RESF1: variants seen among roughly 807,000 people sequenced by gnomAD.
The protein encoded by RESF1 is gonad expressed transcript.
A neutral mutation model predicts 134.7 loss-of-function variants in RESF1; 65 were observed. That is an observed-to-expected ratio of 0.48 (90% CI 0.40 to 0.59). The LOEUF is 0.59. RESF1 is among the 20% of genes least tolerant of loss of function. The pLI, the probability that RESF1 is intolerant of heterozygous loss-of-function variation, is 0.00. For synonymous variants in RESF1, 762 were observed against 702.2 expected, an observed-to-expected ratio of 1.09 and a Z score of -1.35; for missense variants, 2,274 against 2,002.7, an observed-to-expected ratio of 1.14 and a Z score of -2.59.
chr12:31,981,744 T>G lies in RESF1; in HGVS notation c.789T>G (p.Ala263=). ...CTTTACCATCAAGGCAGACCTCAGC[T>G]GTACCATCACAGCAGTATGCCACGC... ...VLTLPSRQTS[A]VPSQQYATQT... The change falls in exon 4 of 6, where the codon GCT becomes GCG. Residue 263 remains alanine (A), a synonymous_variant. Transcript: ENST00000312561. The G allele has an allele frequency of 6.2e-7, 1 of 1,613,862 alleles. No homozygotes were observed. The highest frequency in any genetic ancestry group is 8.5e-7 in the Non-Finnish European group (1 of 1,180,028).
At position 31,981,701 on chromosome 12, in the gene RESF1, T is replaced by C. The variant is rs1939796494; in HGVS notation, c.746T>C (p.Leu249Pro). Residue 249 changes from leucine to proline, a missense_variant, in exon 4 of 6, where the codon CTT (leucine) becomes CCT (proline). By Grantham distance (98) the Leu-to-Pro change is moderately conservative (BLOSUM62 -3). Coordinates refer to ENST00000312561, the MANE Select transcript of RESF1 (RefSeq NM_018169.4). ...HTSLQVKNSQ[L>P]LNSVLTLPSR... Reference sequence around the variant, plus strand: ...TCATTGCAAGTTAAAAATAGTCAGCTTCTAAATTCTGTATTAACTTTACCA... The same window carrying C: ...TCATTGCAAGTTAAAAATAGTCAGCCTCTAAATTCTGTATTAACTTTACCA... The C allele has an allele frequency of 6.2e-7, 1 of 1,613,780 alleles. No homozygotes were observed.
At position 31,992,618 on chromosome 12, in the gene RESF1, T is replaced by A; in HGVS notation, c.*83T>A. 1 of 1,310,716 alleles carries A rather than the reference T, an allele frequency of 7.6e-7. No homozygotes were observed. The highest frequency in any genetic ancestry group is 1.1e-6 in the Non-Finnish European group (1 of 922,996). 81.2% of individuals were successfully genotyped at this position (1,310,716 alleles called of 1,614,324 possible). A position where few individuals can be genotyped will look rare whatever the true frequency, so the allele number is the denominator to read the frequency against. On this transcript the variant is annotated 3_prime_UTR_variant, in exon 6 of 6. Transcript: ENST00000312561. Reference sequence around the variant, plus strand: ...ATATTTCGCTGAAACTAATGAGAAATGCCATGATAAAGATTTCTCAGAGTT... The same window carrying A: ...ATATTTCGCTGAAACTAATGAGAAAAGCCATGATAAAGATTTCTCAGAGTT...
chr12:31,959,597 C>A (rs1374177991), intron 1 of RESF1, 106 bp downstream of exon 1: 1 of 152,060 alleles, frequency 6.6e-6, no homozygotes, highest in Non-Finnish European at 1.5e-5. Context: ...GGCCTGCGCG[C>A]GGCGCAGAGC....
At chr12:31,959,872 C>G (rs1412910573) in intron 1 of RESF1, 3 of 152,248 alleles carry the variant, frequency 2.0e-5, no homozygotes, top group Non-Finnish European at 2.9e-5. Flanking sequence ...CGCATTTTGT[C>G]GAACTGCGAG....
chr12:31,980,306 T>G (rs188773553), intron 3 of RESF1, among the ~76,000 whole-genome samples: 2 of 152,152 alleles, frequency 1.3e-5, no homozygotes, highest in East Asian at 3.9e-4. Flanking sequence ...AAGATGGGGT[T>G]TGGCATGTTA....
At chr12:31,966,985 C>G (rs960164260) in intron 2 of RESF1, among the ~76,000 whole-genome samples, 5 of 152,218 alleles carry the variant, frequency 3.3e-5, no homozygotes, top group African/African-American at 1.2e-4. Flanking sequence ...TCTGGCAGGA[C>G]AACCCTGCAG....
At chr12:31,972,762 G>A (rs1939541346) in intron 3 of RESF1, among the ~76,000 whole-genome samples, 1 of 152,142 alleles carries the variant, frequency 6.6e-6, no homozygotes, top group South Asian at 2.1e-4. Flanking sequence ...CTTGTTATGT[G>A]GGGTGAGACA....
At chr12:31,969,662 G>A (rs943850449) in intron 2 of RESF1, among the ~76,000 whole-genome samples, 1 of 152,102 alleles carries the variant, frequency 6.6e-6, no homozygotes, top group African/African-American at 2.4e-5. Context: ...TTTTTGAGAC[G>A]GAGTCTTGCT....
In RESF1 at chr12:31,981,839, A is replaced by G; in HGVS notation, c.884A>G (p.Gln295Arg). 1 of 1,614,120 alleles carries G rather than the reference A, an allele frequency of 6.2e-7. No homozygotes were observed. The highest frequency in any genetic ancestry group is 8.5e-7 in the Non-Finnish European group (1 of 1,180,038). The part of the protein sequence containing the change: ...RYGSQPLQST[Q>R]HITKHLSMEV... ...GGAAGCCAGCCTTTGCAAAGTACTC[A>G]GCATATTACTAAACACTTGTCTATG... The change falls in exon 4 of 6, where the codon CAG becomes CGG. Residue 295 changes from glutamine to arginine, a missense_variant. Coordinates refer to ENST00000312561, the MANE Select transcript of RESF1 (RefSeq NM_018169.4).
chr12:31,983,150 C>A lies in RESF1; in HGVS notation c.2195C>A (p.Pro732His), dbSNP rs745473137. 6.2e-7 allele frequency: 1 copy of A among 1,611,484 alleles called. No homozygotes were observed. The highest frequency in any genetic ancestry group is 1.1e-5 in the South Asian group (1 of 90,722). ...NSNSQNKISN[P>H]SQQTALSMVM... ...AATTCTCAGAATAAAATAAGTAATC[C>A]CTCACAGCAGACAGCTTTGTCGATG... The change falls in exon 4 of 6, where the codon CCC becomes CAC. Residue 732 changes from proline to histidine, a missense_variant. Coordinates refer to ENST00000312561, the MANE Select transcript of RESF1 (RefSeq NM_018169.4).
chr12:31,978,539 T>TG (rs963547698), intron 3 of RESF1, among the ~76,000 whole-genome samples: 6 of 151,732 alleles, frequency 4.0e-5, no homozygotes, highest in Admixed American at 2.0e-4. Context: ...ATTTGGGGTT[T>TG]TTTTTTGTTT....
chr12:31,977,918 A>G (rs1273770238), intron 3 of RESF1, among the ~76,000 whole-genome samples: 2 of 144,310 alleles, frequency 1.4e-5, no homozygotes, highest in Non-Finnish European at 3.0e-5. Flanking sequence ...TAATCCTCCC[A>G]CCTCAGCCTT....
Position 31,990,909 on chromosome 12 carries a change from A to C in RESF1, c.5087-1469A>C, listed in dbSNP as rs541594577. Among the ~76,000 whole-genome samples, 14 of 152,296 alleles carry C rather than the reference A, an allele frequency of 9.2e-5. 3 individuals are homozygous for C. Among genetic ancestry groups the C allele is most frequent in the African/African-American group, 3.1e-4 (13 of 41,570 alleles). ...CTCCCAATCTGCTATAAAGAAACAT[A>C]CATCTGGCCTGGTGTGGGGCCCATG... On this transcript the variant is annotated intron_variant, in intron 5 of 5. Transcript: ENST00000312561.
chr12:31,974,859 A>C (rs1454638709), intron 3 of RESF1, among the ~76,000 whole-genome samples: 3 of 151,766 alleles, frequency 2.0e-5, no homozygotes, highest in Non-Finnish European at 2.9e-5. Context: ...GACTAGTCAA[A>C]GTAGTGAGAG....
Position 31,981,109 on chromosome 12 carries a change from T to C in RESF1, c.154T>C (p.Tyr52His). ...YPGSNQEACMYPGNSNPISQP... is the reference protein window; with the variant it reads ...YPGSNQEACMHPGNSNPISQP... ...TGGAAGTAACCAAGAAGCATGCATG[T>C]ATCCCGGTAATTCAAATCCAATTTC... is the stretch of plus-strand genomic sequence containing the variant. Residue 52 changes from tyrosine (Y) to histidine (H), a missense_variant, in exon 4 of 6, where the codon TAT (tyrosine) becomes CAT (histidine). Physicochemically the swap from Tyr to His is moderately conservative, Grantham distance 83. Transcript: ENST00000312561. The C allele has an allele frequency of 2.5e-6, 4 of 1,614,182 alleles. No homozygotes were observed. The highest frequency in any genetic ancestry group is 3.4e-6 in the Non-Finnish European group (4 of 1,180,008).
intron 3 of RESF1, among the ~76,000 whole-genome samples, chr12:31,976,520 C>T (rs1270532075): frequency 6.6e-6 from 1 of 152,006 alleles, no homozygotes; most frequent in Non-Finnish European, 1.5e-5. Flanking sequence ...CCTGTCTCTA[C>T]TAAAAATACA....
At position 31,968,262 on chromosome 12, in the gene RESF1, C is replaced by T. The variant is rs944694261; in HGVS notation, c.-246-1927C>T. ...AAGTTTTCAATTTAAAATACCAGAGCGAATTTATATATTTTAGGTATAAGA... is the reference window on the plus strand; with the variant it reads ...AAGTTTTCAATTTAAAATACCAGAGTGAATTTATATATTTTAGGTATAAGA... On this transcript the variant is annotated intron_variant, in intron 2 of 5. Coordinates refer to ENST00000312561, the MANE Select transcript of RESF1 (RefSeq NM_018169.4). Among the ~76,000 whole-genome samples the T allele has an allele frequency of 4.6e-5, 7 of 151,966 alleles. No homozygotes were observed. In the East Asian group the frequency reaches 1.2e-3, roughly 25 times the overall value.
Position 31,982,082 on chromosome 12 carries a change from GC to G in RESF1, c.1128del (p.Cys376Ter). On this transcript the variant is annotated frameshift_variant, in exon 4 of 6. Coordinates refer to ENST00000312561, the MANE Select transcript of RESF1 (RefSeq NM_018169.4). LOFTEE classifies it high-confidence loss of function. ...QTNEEKIMDSCNPTSNQVLDT... is the reference protein window; with the variant it reads ...QTNEEKIMDSXNPTSNQVLDT... Reference sequence around the variant, plus strand: ...AATGAAGAGAAAATAATGGATTCTTGCAATCCAACTTCAAATCAAGTACTGG... The same window carrying G: ...AATGAAGAGAAAATAATGGATTCTTGAATCCAACTTCAAATCAAGTACTGG... 1 of 1,614,120 alleles carries G rather than the reference GC, an allele frequency of 6.2e-7. No individual in the cohort carries two copies. The highest frequency in any genetic ancestry group is 1.3e-5 in the African/African-American group (1 of 75,036).
chr12:31,978,083 C>CA (rs1398478000), intron 3 of RESF1, among the ~76,000 whole-genome samples: 8 of 151,978 alleles, frequency 5.3e-5, no homozygotes. Flanking sequence ...GGATTACAGG[C>CA]AAGAGCCACT....
Sources: allele counts gnomAD v4.1 joint callset (sites outside exome capture counted in the v4.1 genomes callset), GRCh38; gene constraint gnomAD v4.1.1; transcripts MANE v1.5; gene names NCBI Gene and HGNC (gene_info 2026-07-23, HGNC 2026-07-21).